Variants in DENND5A observed in about 807,000 individuals in gnomAD.
DENND5A encodes DENN domain containing 5A, also known as DENN domain-containing protein 5A.
DENND5A carries 64 observed loss-of-function variants against 140.3 expected under a neutral mutation model. That is an observed-to-expected ratio of 0.46 (90% CI 0.37 to 0.56). DENND5A has a LOEUF of 0.56. Among genes scored for constraint, DENND5A ranks in the 20% least tolerant of loss-of-function variants. DENND5A has a pLI of 0.00. For missense variants in DENND5A, 1,292 were observed against 1,593.8 expected (o/e 0.81, Z 3.22); for synonymous variants, 605 against 607.7 (o/e 1.00, Z 0.07).
chr11:9,263,375 G>A (rs1852293032), intron 1 of DENND5A, among the ~76,000 whole-genome samples: 1 of 150,248 alleles, frequency 6.7e-6, no homozygotes, highest in South Asian at 2.1e-4. Flanking sequence ...CACGCGCCAC[G>A]ACGCCCGGCT....
chr11:9,223,016 G>A (rs1198204785), intron 1 of DENND5A, among the ~76,000 whole-genome samples: 1 of 152,180 alleles, frequency 6.6e-6, no homozygotes, highest in Non-Finnish European at 1.5e-5. Flanking sequence ...CCTTTTTGAA[G>A]CAATTAGCAT....
chr11:9,178,476 T>C, intron 7 of DENND5A, 110 bp from the exon 8 acceptor site: 1 of 667,506 alleles, frequency 1.5e-6, no homozygotes, highest in Non-Finnish European at 2.6e-6. Flanking sequence ...TCTTTAAGAA[T>C]ACCAAGCTGC....
intron 1 of DENND5A, among the ~76,000 whole-genome samples, chr11:9,230,927 G>A (rs1161232136): frequency 1.3e-5 from 2 of 152,088 alleles, no homozygotes; most frequent in African/African-American, 4.8e-5. Context: ...GGTCTAGACT[G>A]CAGTGAGCAG....
At chr11:9,214,693 G>A (rs545986869) in intron 1 of DENND5A, among the ~76,000 whole-genome samples, 5 of 152,084 alleles carry the variant, frequency 3.3e-5, no homozygotes, top group Non-Finnish European at 5.9e-5. Context: ...ACTGTCCACT[G>A]CCCCCCAACC....
rs540324104 is a variant in DENND5A at position 9,250,847 on chromosome 11, C to A, written c.109+14114G>T. 2.0e-5 allele frequency among the ~76,000 whole-genome samples: 3 copies of A among 151,986 alleles called. 1 individual carries two copies. The highest frequency in any genetic ancestry group is 7.2e-5 in the African/African-American group (3 of 41,408). On this transcript the variant is annotated intron_variant, in intron 1 of 22. Coordinates refer to ENST00000328194, the MANE Select transcript of DENND5A (RefSeq NM_015213.4). ...ACTGGAATAGTTTAGAAATCAAGGA[C>A]TTCCGGCCGGGTGCGGTGGCTCACG...
chr11:9,255,727 T>C (rs566868420), intron 1 of DENND5A, among the ~76,000 whole-genome samples: 4 of 152,192 alleles, frequency 2.6e-5, no homozygotes, highest in Admixed American at 6.5e-5. Context: ...TAGCTGGGCA[T>C]AGTGGTGCAC....
At chr11:9,160,460 T>G (rs1038127105) in intron 12 of DENND5A, among the ~76,000 whole-genome samples, 3 of 152,266 alleles carry the variant, frequency 2.0e-5, no homozygotes, top group African/African-American at 7.2e-5. Flanking sequence ...CCTATCAGGT[T>G]GGCCTTCAGC....
chr11:9,159,957 T>C (rs541939165), intron 12 of DENND5A, among the ~76,000 whole-genome samples: 20 of 152,308 alleles, frequency 1.3e-4, no homozygotes, highest in African/African-American at 3.8e-4. Flanking sequence ...GTGTGGAAGA[T>C]TGTTGCTATA....
chr11:9,219,720 C>T (rs1341030213), intron 1 of DENND5A, among the ~76,000 whole-genome samples: 4 of 152,318 alleles, frequency 2.6e-5, no homozygotes, highest in African/African-American at 9.6e-5. Context: ...ATTGATGGGG[C>T]TCAGGCAAGA....
intron 5 of DENND5A, among the ~76,000 whole-genome samples, chr11:9,190,743 A>G (rs1200532408): frequency 4.6e-5 from 7 of 152,190 alleles, no homozygotes; most frequent in African/African-American, 1.7e-4. Context: ...CAAAATATCA[A>G]AAGTAGTTAT....
intron 13 of DENND5A, among the ~76,000 whole-genome samples, chr11:9,151,729 T>C (rs1176317056): frequency 6.6e-6 from 1 of 152,170 alleles, no homozygotes; most frequent in Non-Finnish European, 1.5e-5. Flanking sequence ...GGTCTAAACA[T>C]CAGAGCAGGA....
chr11:9,230,089 TTAG>T (rs1297209865), intron 1 of DENND5A, among the ~76,000 whole-genome samples: 2 of 151,266 alleles, frequency 1.3e-5, no homozygotes, highest in Non-Finnish European at 2.9e-5. Context: ...TTTTGTATTT[TTAG>T]TAGAGACGGG....
At chr11:9,242,599 C>T (rs914103265) in intron 1 of DENND5A, 3 of 152,170 alleles carry the variant, frequency 2.0e-5, no homozygotes, top group Non-Finnish European at 4.4e-5. Flanking sequence ...AAACTCTCTG[C>T]ACTTTAGTTT....
chr11:9,140,081 C>T (rs960239413), intron 22 of DENND5A: 2 of 1,267,706 alleles, frequency 1.6e-6, no homozygotes, highest in Admixed American at 2.1e-5. Flanking sequence ...TCCAAGCCTC[C>T]TCCTCCCCTG....
chr11:9,221,617 C>T (rs61877814), intron 1 of DENND5A, among the ~76,000 whole-genome samples: 43,069 of 151,930 alleles, frequency 0.28, 6,748 homozygotes, highest in South Asian at 0.49. Flanking sequence ...CGGTCTGCCT[C>T]GGCCTCCCAA....
At chr11:9,160,351 T>C (rs1377791403) in intron 12 of DENND5A, among the ~76,000 whole-genome samples, 1 of 152,180 alleles carries the variant, frequency 6.6e-6, no homozygotes, top group Non-Finnish European at 1.5e-5. Flanking sequence ...TGTGAATATA[T>C]GATTAGTGAA....
intron 5 of DENND5A, among the ~76,000 whole-genome samples, chr11:9,192,046 C>T (rs1461505314): frequency 6.6e-6 from 1 of 151,948 alleles, no homozygotes; most frequent in African/African-American, 2.4e-5. Flanking sequence ...TCTTGTTCCA[C>T]CCCAAAGAGC....
At chr11:9,216,126 A>G (rs75243777) in intron 1 of DENND5A, among the ~76,000 whole-genome samples, 3,337 of 152,344 alleles carry the variant, frequency 0.022, 119 homozygotes, top group African/African-American at 0.076. Context: ...GACAGGATTA[A>G]GGACCTAACT....
chr11:9,179,027 T>G lies in DENND5A; in HGVS notation c.1502A>C (p.Gln501Pro). 6.2e-7 allele frequency: 1 copy of G among 1,614,182 alleles called. No homozygotes were observed. The highest frequency in any genetic ancestry group is 1.1e-5 in the South Asian group (1 of 91,086). ...AATCCTGAGTTCTTCTTCATCACAC[T>G]GAACTTTGAGATCCTTATTGCTGCT... ...DPSSNKDLKV[Q>P]CDEEELRIYQ... Residue 501 changes from glutamine (Q) to proline (P), a missense_variant, in exon 7 of 23, where the codon CAG becomes CCG. Gln to Pro is a moderately conservative substitution (Grantham distance 76). Coordinates refer to ENST00000328194, the MANE Select transcript of DENND5A (RefSeq NM_015213.4).
Sources: gnomAD v4.1 joint callset for allele counts (sites outside exome capture counted in the v4.1 genomes callset) on GRCh38, gnomAD v4.1.1 for gene constraint, MANE v1.5 for transcripts, NCBI Gene and HGNC (gene_info 2026-07-23, HGNC 2026-07-21) for gene names.